RIMBP2: variants seen among roughly 807,000 people sequenced by gnomAD.
The protein encoded by RIMBP2 is RIMS binding protein 2.
In RIMBP2, 48 loss-of-function variants were observed where a neutral mutation model predicts 118.6. That is an observed-to-expected ratio of 0.40 (90% CI 0.32 to 0.51). The LOEUF (loss-of-function observed/expected upper bound fraction) is 0.51. RIMBP2 is among the 20% of genes least tolerant of loss of function. RIMBP2 has a pLI of 0.41. For synonymous variants in RIMBP2, 762 were observed against 742.9 expected (o/e 1.03, Z -0.42); for missense variants, 1,551 against 1,768.3 (o/e 0.88, Z 2.20).
At chr12:130,571,861 C>A (rs1208304476) in intron 2 of RIMBP2, among the ~76,000 whole-genome samples, 2 of 152,166 alleles carry the variant, frequency 1.3e-5, no homozygotes, top group Admixed American at 6.5e-5. Flanking sequence ...CCCTCACACA[C>A]CCAGGGAGCC....
intron 2 of RIMBP2, among the ~76,000 whole-genome samples, chr12:130,518,333 G>GTC (rs1294889670): frequency 2.0e-5 from 3 of 152,148 alleles, no homozygotes; most frequent in African/African-American, 7.2e-5. Context: ...ATAAGATAAA[G>GTC]CATTCTAAGG....
intron 21 of RIMBP2, among the ~76,000 whole-genome samples, chr12:130,400,161 T>C (rs1353608530): frequency 6.6e-6 from 1 of 152,130 alleles, no homozygotes; most frequent in African/African-American, 2.4e-5. Context: ...TCTGAGGCAC[T>C]AGGGAGCTGC....
chr12:130,447,475 C>A lies in RIMBP2; in HGVS notation c.582-2206G>T, dbSNP rs563494976. ...GAAGTAGGTCAGGGGTCACGCAGCGCTGGAGGCGGGGGAGGAGGGACAGGT... is the reference window on the plus strand; with the variant it reads ...GAAGTAGGTCAGGGGTCACGCAGCGATGGAGGCGGGGGAGGAGGGACAGGT... On this transcript the variant is annotated intron_variant, in intron 9 of 22. Transcript: ENST00000690449. The surrounding 1 kb of genome is among the most constrained non-coding windows in gnomAD (Gnocchi z 4.4). 5.9e-5 allele frequency among the ~76,000 whole-genome samples: 9 copies of A among 151,774 alleles called. No individual in the cohort carries two copies. In the East Asian group the frequency reaches 1.8e-3, roughly 30 times the overall value.
In RIMBP2 at chr12:130,617,509, G is replaced by A. The variant is rs1197213504; in HGVS notation, c.-217+10813C>T. Among the ~76,000 whole-genome samples the A allele has an allele frequency of 1.3e-5, 2 of 152,228 alleles. No individual in the cohort carries two copies. The highest frequency in any genetic ancestry group is 2.9e-5 in the Non-Finnish European group (2 of 68,042). On this transcript the variant is annotated intron_variant, in intron 2 of 22. Transcript: ENST00000690449. This position sits in a 1 kb window ranked among gnomAD's most constrained non-coding sequence, Gnocchi z 4.6. ...GCCAGCTACAGCTCCAGGCAGAAAC[G>A]ACAAGCAGGTTTCAGCTGACACCAG...
At chr12:130,681,313 C>G (rs958692228) in intron 1 of RIMBP2, among the ~76,000 whole-genome samples, 1 of 151,968 alleles carries the variant, frequency 6.6e-6, no homozygotes, top group Non-Finnish European at 1.5e-5. Flanking sequence ...AATGCATGTA[C>G]TTTTTACAAA....
intron 5 of RIMBP2, among the ~76,000 whole-genome samples, chr12:130,477,203 G>A (rs776011692): frequency 3.3e-5 from 5 of 152,238 alleles, no homozygotes; most frequent in Non-Finnish European, 7.3e-5. Context: ...ACACAGAAGA[G>A]ATCGTGGACG....
intron 4 of RIMBP2, among the ~76,000 whole-genome samples, chr12:130,503,270 T>C (rs10773789): frequency 0.59 from 89,276 of 151,256 alleles, 26,741 homozygotes; most frequent in African/African-American, 0.66. Context: ...GTGGTGTGTG[T>C]CTGTAATCCC....
At chr12:130,657,086 T>G in intron 1 of RIMBP2, among the ~76,000 whole-genome samples, 1 of 152,184 alleles carries the variant, frequency 6.6e-6, no homozygotes, top group Non-Finnish European at 1.5e-5. Flanking sequence ...TTTCTAGAGA[T>G]AGGGTCTTGC....
chr12:130,552,058 G>C (rs893861158), intron 2 of RIMBP2, among the ~76,000 whole-genome samples: 1 of 152,228 alleles, frequency 6.6e-6, no homozygotes, highest in Non-Finnish European at 1.5e-5. Flanking sequence ...ATAATGGGTT[G>C]CTTGGGCTCA....
At chr12:130,432,880 C>T (rs1661004495) in intron 14 of RIMBP2, among the ~76,000 whole-genome samples, 1 of 152,128 alleles carries the variant, frequency 6.6e-6, no homozygotes, top group Non-Finnish European at 1.5e-5. Context: ...CACCCAGGGC[C>T]CAGCACCAAG....
At chr12:130,587,681 G>C (rs1261784964) in intron 2 of RIMBP2, among the ~76,000 whole-genome samples, 10 of 77,744 alleles carry the variant, frequency 1.3e-4, no homozygotes, top group Non-Finnish European at 1.4e-4. Context: ...GACTGTGGTG[G>C]GGTGGGGGGA....
intron 6 of RIMBP2, among the ~76,000 whole-genome samples, chr12:130,464,028 C>A (rs892993162): frequency 6.6e-6 from 1 of 152,220 alleles, no homozygotes; most frequent in African/African-American, 2.4e-5. Flanking sequence ...CAGGAAGTTC[C>A]CCTACATGGC....
chr12:130,486,734 A>T (rs1220284432), intron 4 of RIMBP2, among the ~76,000 whole-genome samples: 5 of 150,266 alleles, frequency 3.3e-5, no homozygotes, highest in African/African-American at 1.2e-4. Flanking sequence ...CTCCCAATTT[A>T]AAAAAATGTG....
At chr12:130,553,958 C>T (rs1035820105) in intron 2 of RIMBP2, among the ~76,000 whole-genome samples, 7 of 152,144 alleles carry the variant, frequency 4.6e-5, no homozygotes, top group African/African-American at 1.7e-4. Flanking sequence ...TATGGGATCA[C>T]AGTAAAAATT....
At chr12:130,441,777 C>T in intron 11 of RIMBP2, 71 bp downstream of exon 11, 1 of 1,373,648 alleles carries the variant, frequency 7.3e-7, no homozygotes, top group South Asian at 1.4e-5. Context: ...GCCCCACCTT[C>T]CCTCCCCACT....
chr12:130,411,812 T>C (rs2075740256), intron 19 of RIMBP2, among the ~76,000 whole-genome samples: 1 of 151,644 alleles, frequency 6.6e-6, no homozygotes, highest in African/African-American at 2.4e-5. Flanking sequence ...ACAATGCGTT[T>C]ATTAATGCCA....
intron 1 of RIMBP2, among the ~76,000 whole-genome samples, chr12:130,654,218 C>G (rs1240101510): frequency 6.6e-6 from 1 of 152,176 alleles, no homozygotes; most frequent in African/African-American, 2.4e-5. Flanking sequence ...AACTTTAAGT[C>G]ATTTCTTTGC....
At chr12:130,400,139 G>A (rs2074389574) in intron 21 of RIMBP2, among the ~76,000 whole-genome samples, 1 of 152,034 alleles carries the variant, frequency 6.6e-6, no homozygotes, top group South Asian at 2.1e-4. Flanking sequence ...AGTGGTTCTC[G>A]GGCCTGGCTG....
chr12:130,661,489 C>T (rs1212406895), intron 1 of RIMBP2, among the ~76,000 whole-genome samples: 2 of 152,236 alleles, frequency 1.3e-5, no homozygotes, highest in Admixed American at 6.5e-5. Flanking sequence ...AGTATTTGAG[C>T]TCCTAAACCA....
Sources: gnomAD v4.1 joint callset for allele counts (sites outside exome capture counted in the v4.1 genomes callset) on GRCh38, gnomAD v4.1.1 for gene constraint, Gnocchi (gnomAD v3.1) non-coding constraint, MANE v1.5 for transcripts, NCBI Gene and HGNC (gene_info 2026-07-23, HGNC 2026-07-21) for gene names.